Variants in PPP1R16A observed in about 807,000 individuals in gnomAD.
PPP1R16A encodes protein phosphatase 1 regulatory subunit 16A, also known as myosin phosphatase-targeting subunit 3.
In PPP1R16A, 39 loss-of-function variants were observed where a neutral mutation model predicts 46.6. That is an observed-to-expected ratio of 0.84 (90% CI 0.65 to 1.09). PPP1R16A has a LOEUF of 1.09. Among genes scored for constraint, PPP1R16A ranks in the 50% least tolerant of loss-of-function variants. The probability of loss-of-function intolerance (pLI) is 0.00; values close to 1 mark genes in which losing one functional copy is unlikely to be tolerated. For missense variants in PPP1R16A, 798 were observed against 735.6 expected (o/e 1.08, Z -0.98); for synonymous variants, 413 against 321.5 (o/e 1.28, Z -3.04).
intron 1 of PPP1R16A, among the ~76,000 whole-genome samples, chr8:144,487,040 T>C (rs1825648637): frequency 6.6e-6 from 1 of 152,184 alleles, no homozygotes; most frequent in South Asian, 2.1e-4. Context: ...CAGTCTGGAG[T>C]GCAGTGGTGT....
Position 144,499,056 on chromosome 8 carries a change from C to CGCCAGG in PPP1R16A, c.472_476+1dup, listed in dbSNP as rs1564768918. ...ACCTGCACCTGGTGGAGCTGCTCAT[C>CGCCAGG]GCCAGGTAGGGCCTGTTGGGCGTCC... On this transcript the variant is annotated inframe_insertion, in exon 5 of 12. Transcript: ENST00000435887. 1.3e-6 allele frequency: 2 copies of CGCCAGG among 1,578,184 alleles called. No homozygotes were observed. Among genetic ancestry groups the CGCCAGG allele is most frequent in the South Asian group, 2.2e-5 (2 of 89,846 alleles).
rs1825917966 is a variant in PPP1R16A, at chr8:144,493,840, G to A, written c.-734-2621G>A. ...CATTGGGCAGCTTCCAGCTAGGAAG[G>A]TGGGCCTGCTAGGGTGGGGCCAAGT... On this transcript the variant is annotated intron_variant, in intron 2 of 11. Coordinates refer to ENST00000435887, the MANE Select transcript of PPP1R16A (RefSeq NM_001329443.2). This position sits in a 1 kb window ranked among gnomAD's most constrained non-coding sequence, Gnocchi z 4.3. Among the ~76,000 whole-genome samples, 1 of 152,130 alleles carries A rather than the reference G, an allele frequency of 6.6e-6. No homozygotes were observed. The highest frequency in any genetic ancestry group is 2.4e-5 in the African/African-American group (1 of 41,448).
At chr8:144,485,239 A>G (rs1442021801) in intron 1 of PPP1R16A, among the ~76,000 whole-genome samples, 1 of 134,166 alleles carries the variant, frequency 7.5e-6, no homozygotes, top group Non-Finnish European at 1.7e-5. Flanking sequence ...AAAAAAAAAA[A>G]AGGCCAGGCG....
chr8:144,495,758 T>G (rs1826028304), intron 2 of PPP1R16A: 1 of 152,322 alleles, frequency 6.6e-6, no homozygotes. Context: ...CCTTCTGAGG[T>G]GAGGCCTGTG....
At chr8:144,482,752 G>A (rs976811619) in intron 1 of PPP1R16A, among the ~76,000 whole-genome samples, 13 of 151,084 alleles carry the variant, frequency 8.6e-5, no homozygotes, top group African/African-American at 3.2e-4. Flanking sequence ...GGGTTCAAGC[G>A]ATTCTCCTGC....
intron 4 of PPP1R16A, 23 bp from the exon 5 acceptor site, chr8:144,498,884 TGCTCTGGTC>T (rs781579077): frequency 1.6e-5 from 25 of 1,612,688 alleles, no homozygotes; most frequent in Non-Finnish European, 1.9e-5. Context: ...CTGGCCCCCG[TGCTCTGGTC>T]GCTCACGTGG....
At chr8:144,500,063 T>C in intron 5 of PPP1R16A, 33 bp from the exon 6 acceptor site, 1 of 1,579,096 alleles carries the variant, frequency 6.3e-7, no homozygotes. Flanking sequence ...GGGAAGGGCC[T>C]TGTGCCCAGC....
chr8:144,499,394 T>G (rs999491586), intron 5 of PPP1R16A: 2 of 344,196 alleles, frequency 5.8e-6, no homozygotes, highest in Non-Finnish European at 1.1e-5. Context: ...GGAGGCCAGG[T>G]GGCTTGGGAG....
intron 1 of PPP1R16A, among the ~76,000 whole-genome samples, chr8:144,486,458 T>C (rs1425408426): frequency 6.6e-6 from 1 of 152,352 alleles, no homozygotes; most frequent in East Asian, 1.9e-4. Flanking sequence ...TTAAGAAACT[T>C]CCACACTGCT....
chr8:144,484,471 C>G (rs953122988), intron 1 of PPP1R16A, among the ~76,000 whole-genome samples: 4 of 152,210 alleles, frequency 2.6e-5, no homozygotes, highest in Non-Finnish European at 5.9e-5. Context: ...CCCTCTCTTC[C>G]CTTTCTTTTG....
chr8:144,483,829 T>C (rs1352286950), intron 1 of PPP1R16A, among the ~76,000 whole-genome samples: 1 of 152,192 alleles, frequency 6.6e-6, no homozygotes, highest in Non-Finnish European at 1.5e-5. Flanking sequence ...GCCTCCCATA[T>C]GTTGGGATTA....
chr8:144,479,418 C>T (rs914751736), intron 1 of PPP1R16A, among the ~76,000 whole-genome samples: 2 of 152,204 alleles, frequency 1.3e-5, no homozygotes, highest in Non-Finnish European at 2.9e-5. Context: ...GCTGGATTTC[C>T]TCCCTGTTGG....
Position 144,502,046 on chromosome 8 carries a change from C to T in PPP1R16A, c.*143C>T. On this transcript the variant is annotated 3_prime_UTR_variant, in exon 12 of 12. Coordinates refer to ENST00000435887, the MANE Select transcript of PPP1R16A (RefSeq NM_001329443.2). ...CACTGGCCCCTCTCAGGTCAGAAGACATGCCTGGAGGGATGTCTGGCTGCA... is the reference window on the plus strand; with the variant it reads ...CACTGGCCCCTCTCAGGTCAGAAGATATGCCTGGAGGGATGTCTGGCTGCA... 1 of 801,640 alleles carries T rather than the reference C, an allele frequency of 1.2e-6. No homozygotes were observed. The highest frequency in any genetic ancestry group is 1.9e-6 in the Non-Finnish European group (1 of 533,484). 49.7% of individuals were successfully genotyped at this position (801,640 alleles called of 1,614,324 possible).
intron 1 of PPP1R16A, among the ~76,000 whole-genome samples, chr8:144,486,565 G>A (rs573176079): frequency 1.1e-4 from 16 of 152,200 alleles, no homozygotes; most frequent in Non-Finnish European, 1.5e-4. Context: ...GTGGGCAGCG[G>A]TATCTCGCTG....
At chr8:144,482,431 A>G (rs1236269267) in intron 1 of PPP1R16A, among the ~76,000 whole-genome samples, 1 of 152,004 alleles carries the variant, frequency 6.6e-6, no homozygotes, top group Non-Finnish European at 1.5e-5. Flanking sequence ...TCTGTTGCTC[A>G]GGCTGGAGTG....
At chr8:144,482,751 C>T (rs1825482344) in intron 1 of PPP1R16A, among the ~76,000 whole-genome samples, 1 of 149,198 alleles carries the variant, frequency 6.7e-6, no homozygotes. Flanking sequence ...TGGGTTCAAG[C>T]GATTCTCCTG....
chr8:144,484,256 C>T (rs571548115), intron 1 of PPP1R16A, among the ~76,000 whole-genome samples: 1 of 152,388 alleles, frequency 6.6e-6, no homozygotes, highest in Non-Finnish European at 1.5e-5. Context: ...TCCTGGGTTA[C>T]AGCGCCGACC....
intron 5 of PPP1R16A, 105 bp downstream of exon 5, chr8:144,499,166 C>T (rs982176349): frequency 2.2e-5 from 30 of 1,367,026 alleles, no homozygotes; most frequent in African/African-American, 4.4e-5. Flanking sequence ...CCTGTGTTCC[C>T]GCCTTCACCT....
Position 144,500,599 on chromosome 8 carries a change from C to A in PPP1R16A, c.818C>A (p.Ala273Asp). ...QDGWEPLHAAAYWGQVPLVEL... is the reference protein window; with the variant it reads ...QDGWEPLHAADYWGQVPLVEL... Reference sequence around the variant, plus strand: ...GGCTGGGAGCCGCTGCACGCCGCGGCCTACTGGGGCCAGGTGAGTGCGGGC... The same window carrying A: ...GGCTGGGAGCCGCTGCACGCCGCGGACTACTGGGGCCAGGTGAGTGCGGGC... Residue 273 changes from alanine to aspartate, a missense_variant, in exon 8 of 12, where the codon GCC (alanine) becomes GAC (aspartate). Ala to Asp is a moderately radical substitution (Grantham distance 126). Transcript: ENST00000435887. 6.2e-7 allele frequency: 1 copy of A among 1,600,402 alleles called. No homozygotes were observed. Among genetic ancestry groups the A allele is most frequent in the Non-Finnish European group, 8.5e-7 (1 of 1,179,032 alleles).
Sources: gnomAD v4.1 joint callset for allele counts (sites outside exome capture counted in the v4.1 genomes callset) on GRCh38, gnomAD v4.1.1 for gene constraint, Gnocchi (gnomAD v3.1) non-coding constraint, MANE v1.5 for transcripts, NCBI Gene and HGNC (gene_info 2026-07-23, HGNC 2026-07-21) for gene names.